The following NDST4 variants were observed in gnomAD, a reference collection of about 807,000 sequenced individuals.
NDST4 encodes N-deacetylase and N-sulfotransferase 4, also known as N-heparan sulfate sulfotransferase 4.
Under a neutral mutation model 100.8 loss-of-function variants are expected in NDST4, and 63 were observed. That is an observed-to-expected ratio of 0.62 (90% CI 0.51 to 0.77). The LOEUF is 0.77. NDST4 is among the 30% of genes least tolerant of loss of function. The pLI is 0.00. For missense variants in NDST4, 943 were observed against 1,018.4 expected, an observed-to-expected ratio of 0.93 and a Z score of 1.01; for synonymous variants, 377 against 361.8, an observed-to-expected ratio of 1.04 and a Z score of -0.48.
chr4:114,862,246 C>A (rs1723933714), intron 7 of NDST4, among the ~76,000 whole-genome samples: 1 of 152,112 alleles, frequency 6.6e-6, no homozygotes, highest in African/African-American at 2.4e-5. Flanking sequence ...CATACATAAT[C>A]CCCAATGCTG....
chr4:114,885,910 G>T (rs1396285186), intron 6 of NDST4, among the ~76,000 whole-genome samples: 1 of 151,970 alleles, frequency 6.6e-6, no homozygotes, highest in Non-Finnish European at 1.5e-5. Flanking sequence ...TCAGTTGCAT[G>T]TAAGGGACAA....
chr4:115,026,047 CT>C (rs1431536586), intron 2 of NDST4, among the ~76,000 whole-genome samples: 1 of 151,996 alleles, frequency 6.6e-6, no homozygotes, highest in East Asian at 1.9e-4. Flanking sequence ...ATTTAGAGCC[CT>C]TTTCCTCCAC....
At chr4:114,929,066 G>A (rs577891340) in intron 6 of NDST4, among the ~76,000 whole-genome samples, 87 of 99,166 alleles carry the variant, frequency 8.8e-4, no homozygotes, top group South Asian at 7.2e-3. Flanking sequence ...CCGTCCGTCC[G>A]TCCGTCCGTC....
chr4:114,950,152 A>G (rs1479841634), intron 4 of NDST4, among the ~76,000 whole-genome samples: 2 of 152,034 alleles, frequency 1.3e-5, no homozygotes, highest in Non-Finnish European at 2.9e-5. Flanking sequence ...CCTAGGATAA[A>G]AAGTTCCTCC....
intron 3 of NDST4, among the ~76,000 whole-genome samples, chr4:114,973,227 T>A (rs778404388): frequency 6.6e-6 from 1 of 152,006 alleles, no homozygotes; most frequent in Non-Finnish European, 1.5e-5. Context: ...TATGTGGAAA[T>A]ATCATTTGCA....
At chr4:114,996,081 A>G (rs1031565288) in intron 2 of NDST4, among the ~76,000 whole-genome samples, 2 of 152,064 alleles carry the variant, frequency 1.3e-5, no homozygotes, top group Non-Finnish European at 2.9e-5. Flanking sequence ...TTCCCAGTTT[A>G]TATGGTTTGG....
At chr4:114,868,945 TA>T (rs1322936856) in intron 7 of NDST4, among the ~76,000 whole-genome samples, 63 of 614 alleles carry the variant, frequency 0.1, no homozygotes, top group African/African-American at 0.13. Flanking sequence ...ACTTGCAAAT[TA>T]TATATATATA....
intron 2 of NDST4, among the ~76,000 whole-genome samples, chr4:115,021,168 T>C (rs1455013547): frequency 6.6e-6 from 1 of 151,780 alleles, no homozygotes; most frequent in East Asian, 1.9e-4. Flanking sequence ...TAAATGCCCA[T>C]CAATCAGTGA....
rs140874115 is a variant in NDST4, at chr4:114,851,410, A to G, written c.1816+1315T>C. On this transcript the variant is annotated intron_variant, in intron 8 of 13. Coordinates refer to ENST00000264363, the MANE Select transcript of NDST4 (RefSeq NM_022569.3). Reference sequence around the variant, plus strand: ...TTTGTTTGTTTGTCTTAGGAAAGCCAAAACCAGCTAAATGCTTTATCATTT... The same window carrying G: ...TTTGTTTGTTTGTCTTAGGAAAGCCGAAACCAGCTAAATGCTTTATCATTT... Among the ~76,000 whole-genome samples the G allele has an allele frequency of 7.9e-3, 1,210 of 152,330 alleles. 9 individuals carry two copies. The highest frequency in any genetic ancestry group is 0.01 in the South Asian group (50 of 4,834).
intron 2 of NDST4, among the ~76,000 whole-genome samples, chr4:114,999,268 C>T (rs1484424309): frequency 6.6e-6 from 1 of 152,044 alleles, no homozygotes; most frequent in Admixed American, 6.6e-5. Flanking sequence ...AGCAGTCTTG[C>T]TTCTGAGTCC....
chr4:114,986,823 TATATA>T (rs1560845431), intron 2 of NDST4, among the ~76,000 whole-genome samples: 2 of 98,718 alleles, frequency 2.0e-5, no homozygotes, highest in Non-Finnish European at 2.3e-5. Context: ...TATATATATA[TATATA>T]TATATTTTAA....
chr4:115,001,960 G>A (rs183032229), intron 2 of NDST4, among the ~76,000 whole-genome samples: 5 of 152,214 alleles, frequency 3.3e-5, no homozygotes, highest in Admixed American at 3.3e-4. Flanking sequence ...TCTGTCTGCT[G>A]GGGCATCTTA....
chr4:114,829,437 T>C (rs1452991792), intron 13 of NDST4, among the ~76,000 whole-genome samples: 1 of 152,206 alleles, frequency 6.6e-6, no homozygotes, highest in Non-Finnish European at 1.5e-5. Context: ...AATATCTGTA[T>C]TGAATATATA....
chr4:115,042,933 A>G (rs1728384383), intron 2 of NDST4, among the ~76,000 whole-genome samples: 1 of 152,072 alleles, frequency 6.6e-6, no homozygotes, highest in East Asian at 1.9e-4. Flanking sequence ...AAGCTTAACA[A>G]TACTAGCATA....
At chr4:114,904,669 T>C (rs1724913042) in intron 6 of NDST4, among the ~76,000 whole-genome samples, 1 of 151,870 alleles carries the variant, frequency 6.6e-6, no homozygotes, top group Non-Finnish European at 1.5e-5. Flanking sequence ...TTCTAAAATA[T>C]TTGACAGAAA....
intron 2 of NDST4, among the ~76,000 whole-genome samples, chr4:115,037,889 G>T (rs1287438162): frequency 6.6e-6 from 1 of 152,104 alleles, no homozygotes; most frequent in East Asian, 1.9e-4. Flanking sequence ...GAAAAGAGTA[G>T]CAAGAGAAAA....
chr4:115,004,575 G>A (rs1727371713), intron 2 of NDST4, among the ~76,000 whole-genome samples: 1 of 152,114 alleles, frequency 6.6e-6, no homozygotes, highest in Non-Finnish European at 1.5e-5. Flanking sequence ...AAGTAAAGCT[G>A]GCCCTGAGCA....
chr4:114,900,519 C>G (rs560016355), intron 6 of NDST4, among the ~76,000 whole-genome samples: 2 of 152,126 alleles, frequency 1.3e-5, no homozygotes, highest in South Asian at 4.1e-4. Flanking sequence ...TTTTACTGTA[C>G]CTTTTCTATG....
At chr4:115,034,079 A>G (rs533053777) in intron 2 of NDST4, among the ~76,000 whole-genome samples, 27 of 152,244 alleles carry the variant, frequency 1.8e-4, no homozygotes, top group African/African-American at 5.8e-4. Flanking sequence ...ACTTTGCTCC[A>G]GAGGATAAGG....
Sources: allele counts gnomAD v4.1 joint callset (sites outside exome capture counted in the v4.1 genomes callset), GRCh38; gene constraint gnomAD v4.1.1; transcripts MANE v1.5; gene names NCBI Gene and HGNC (gene_info 2026-07-23, HGNC 2026-07-21).